The following RYR2 variants were observed in gnomAD, a reference collection of about 807,000 sequenced individuals.
RYR2 encodes ryanodine receptor 2.
A neutral mutation model predicts 601.1 loss-of-function variants in RYR2; 227 were observed. The ratio of observed to expected loss-of-function variants is 0.38; its 90% CI spans 0.34 to 0.42. The LOEUF (loss-of-function observed/expected upper bound fraction) is 0.42. RYR2 is among the 10% of genes least tolerant of loss of function. The probability of loss-of-function intolerance (pLI) is 1.00; values close to 1 mark genes in which losing one functional copy is unlikely to be tolerated. For synonymous variants in RYR2, 2,223 were observed against 2,175.1 expected, an observed-to-expected ratio of 1.02 and a Z score of -0.61; for missense variants, 4,646 against 6,156.5, an observed-to-expected ratio of 0.75 and a Z score of 8.21.
chr1:237,352,418 T>G (rs536431238), intron 3 of RYR2, among the ~76,000 whole-genome samples: 243 of 151,902 alleles, frequency 1.6e-3, no homozygotes, highest in Non-Finnish European at 2.0e-3. Flanking sequence ...ACACAGAAAA[T>G]TGAGAAACAT....
At chr1:237,769,548 C>A (rs1178155904) in intron 84 of RYR2, among the ~76,000 whole-genome samples, 1 of 152,036 alleles carries the variant, frequency 6.6e-6, no homozygotes, top group African/African-American at 2.4e-5. Context: ...TATTAGTTTT[C>A]AAAATGGTTT....
At position 237,627,787 on chromosome 1, in the gene RYR2, T is replaced by A. The variant is rs753246105; in HGVS notation, c.6167-20T>A. On this transcript the variant is annotated intron_variant, in intron 40 of 104. Coordinates refer to ENST00000366574, the MANE Select transcript of RYR2 (RefSeq NM_001035.3). ...CTTCTCTTATTTTTCTTTTAAAAAA[T>A]ATCCATAATGACTTTGCAGCCACTC... 1.9e-6 allele frequency: 3 copies of A among 1,558,626 alleles called. No homozygotes were observed. The highest frequency in any genetic ancestry group is 2.6e-6 in the Non-Finnish European group (3 of 1,146,740).
chr1:237,809,113 T>C (rs1354411805), intron 100 of RYR2, 78 bp downstream of exon 100: 1 of 1,282,578 alleles, frequency 7.8e-7, no homozygotes, highest in Non-Finnish European at 1.1e-6. Context: ...GTATTTATTC[T>C]CTAACAGTAC....
intron 1 of RYR2, among the ~76,000 whole-genome samples, chr1:237,116,349 T>C (rs1670078258): frequency 6.6e-6 from 1 of 152,146 alleles, no homozygotes; most frequent in African/African-American, 2.4e-5. Context: ...TGGTCAGGCA[T>C]TGGAGAGTCA....
chr1:237,579,773 G>A (rs1260140602), intron 29 of RYR2, among the ~76,000 whole-genome samples: 1 of 152,076 alleles, frequency 6.6e-6, no homozygotes. Flanking sequence ...CAGTTTGGTT[G>A]TTAACCTGTT....
At chr1:237,261,566 A>T (rs1280123248) in intron 1 of RYR2, among the ~76,000 whole-genome samples, 1 of 152,120 alleles carries the variant, frequency 6.6e-6, no homozygotes, top group East Asian at 1.9e-4. Flanking sequence ...ATATTGTGGG[A>T]CGAGTGAAGG....
intron 46 of RYR2, among the ~76,000 whole-genome samples, chr1:237,640,209 G>T (rs767735403): frequency 6.6e-6 from 1 of 152,172 alleles, no homozygotes; most frequent in Non-Finnish European, 1.5e-5. Flanking sequence ...AAGCCTCACT[G>T]TCACTCTGCA....
At chr1:237,354,718 A>G (rs76255775) in intron 3 of RYR2, among the ~76,000 whole-genome samples, 7,420 of 152,202 alleles carry the variant, frequency 0.049, 249 homozygotes, top group Non-Finnish European at 0.072. Flanking sequence ...TCTAACAAGA[A>G]AATATCTTGA....
At chr1:237,518,796 G>T (rs778580502) in intron 24 of RYR2, among the ~76,000 whole-genome samples, 1 of 152,120 alleles carries the variant, frequency 6.6e-6, no homozygotes, top group Non-Finnish European at 1.5e-5. Context: ...TTACTGGATC[G>T]AATGGTAGTT....
intron 98 of RYR2, among the ~76,000 whole-genome samples, chr1:237,804,685 T>C (rs1296452429): frequency 6.6e-6 from 1 of 152,144 alleles, no homozygotes; most frequent in Non-Finnish European, 1.5e-5. Flanking sequence ...TTATTAGGTG[T>C]ATTATAGCTT....
At chr1:237,747,035 T>C (rs1247676733) in intron 80 of RYR2, among the ~76,000 whole-genome samples, 1 of 152,204 alleles carries the variant, frequency 6.6e-6, no homozygotes, top group East Asian at 1.9e-4. Context: ...ATTGCTCTTC[T>C]CTAAAATCTG....
intron 101 of RYR2, among the ~76,000 whole-genome samples, chr1:237,825,260 G>A (rs9428391): frequency 0.65 from 98,380 of 152,006 alleles, 32,423 homozygotes; most frequent in East Asian, 0.94. Flanking sequence ...CCTGACTTCA[G>A]ACTATACTAC....
At chr1:237,125,225 AG>A (rs1671277641) in intron 1 of RYR2, among the ~76,000 whole-genome samples, 1 of 152,110 alleles carries the variant, frequency 6.6e-6, no homozygotes, top group Admixed American at 6.5e-5. Context: ...ACTGTGGAGA[AG>A]GTATTTTTAA....
At chr1:237,487,257 G>A (rs943848282) in intron 17 of RYR2, among the ~76,000 whole-genome samples, 1 of 152,018 alleles carries the variant, frequency 6.6e-6, no homozygotes, top group African/African-American at 2.4e-5. Flanking sequence ...TTTCATCCAA[G>A]TGTTCAAAGC....
intron 1 of RYR2, among the ~76,000 whole-genome samples, chr1:237,199,409 C>A (rs169165): frequency 0.95 from 144,221 of 152,336 alleles, 68,569 homozygotes; most frequent in Non-Finnish European, 0.99. Context: ...CCAAGAGTCC[C>A]AAAGCTGAAG....
intron 1 of RYR2, among the ~76,000 whole-genome samples, chr1:237,124,100 G>A (rs986845230): frequency 6.6e-6 from 1 of 152,198 alleles, no homozygotes; most frequent in Non-Finnish European, 1.5e-5. Context: ...TATAGCTGGA[G>A]AACAGGGTTA....
chr1:237,718,709 G>T (rs1274821903), intron 73 of RYR2, among the ~76,000 whole-genome samples, 188 bp downstream of exon 73: 1 of 152,078 alleles, frequency 6.6e-6, no homozygotes, highest in Non-Finnish European at 1.5e-5. Context: ...TATTTTTAAA[G>T]AAAATTACCA....
intron 1 of RYR2, among the ~76,000 whole-genome samples, chr1:237,269,879 G>A (rs1180309968): frequency 6.6e-6 from 1 of 152,154 alleles, no homozygotes; most frequent in Non-Finnish European, 1.5e-5. Context: ...CTTGCTTAAT[G>A]AATTGATTGG....
At chr1:237,685,549 A>C (rs1686309293) in intron 62 of RYR2, among the ~76,000 whole-genome samples, 1 of 152,148 alleles carries the variant, frequency 6.6e-6, no homozygotes, top group Non-Finnish European at 1.5e-5. Flanking sequence ...AGAATGTTTC[A>C]CTCTGGATAC....
Sources: allele counts gnomAD v4.1 joint callset (sites outside exome capture counted in the v4.1 genomes callset), GRCh38; gene constraint gnomAD v4.1.1; transcripts MANE v1.5; gene names NCBI Gene and HGNC (gene_info 2026-07-23, HGNC 2026-07-21).